ILKAP: variants seen among roughly 807,000 people sequenced by gnomAD.
The protein encoded by ILKAP is integrin-linked kinase-associated serine/threonine phosphatase 2C.
Under a neutral mutation model 49.1 loss-of-function variants are expected in ILKAP, and 11 were observed. The observed-to-expected ratio is 0.22, with a 90% confidence interval of 0.14 to 0.37. ILKAP has a LOEUF of 0.37. Among genes scored for constraint, ILKAP ranks in the 10% least tolerant of loss-of-function variants. The pLI is 1.00. For missense variants in ILKAP, 363 were observed against 510.8 expected, an observed-to-expected ratio of 0.71 and a Z score of 2.79; for synonymous variants, 186 against 192.8, an observed-to-expected ratio of 0.96 and a Z score of 0.29.
chr2:238,195,819 G>A (rs905434193), intron 1 of ILKAP, among the ~76,000 whole-genome samples: 2 of 152,034 alleles, frequency 1.3e-5, no homozygotes, highest in African/African-American at 4.8e-5. Flanking sequence ...GAGGTGGGAG[G>A]ATTGCTTGAG....
intron 10 of ILKAP, among the ~76,000 whole-genome samples, chr2:238,171,438 G>A (rs1444661798): frequency 6.6e-6 from 1 of 152,180 alleles, no homozygotes; most frequent in Non-Finnish European, 1.5e-5. Flanking sequence ...TGGGATTACA[G>A]GCATGAGCCA....
intron 3 of ILKAP, among the ~76,000 whole-genome samples, chr2:238,193,490 G>C (rs1383324349): frequency 6.6e-6 from 1 of 152,156 alleles, no homozygotes; most frequent in East Asian, 1.9e-4. Flanking sequence ...CAAAGTGCTG[G>C]GATTATAGGC....
intron 9 of ILKAP, among the ~76,000 whole-genome samples, chr2:238,180,184 G>GAA (rs139146977): frequency 1.8e-4 from 27 of 150,146 alleles, no homozygotes; most frequent in South Asian, 4.2e-4. Flanking sequence ...AAAAAAGAAA[G>GAA]AAAGAAAAAG....
chr2:238,180,933 A>G (rs1245587843), intron 9 of ILKAP, among the ~76,000 whole-genome samples: 1 of 152,242 alleles, frequency 6.6e-6, no homozygotes, highest in Non-Finnish European at 1.5e-5. Context: ...CTCAGGCATG[A>G]CTGTCCACAG....
At chr2:238,180,637 G>A (rs1238739532) in intron 9 of ILKAP, among the ~76,000 whole-genome samples, 1 of 152,254 alleles carries the variant, frequency 6.6e-6, no homozygotes, top group Non-Finnish European at 1.5e-5. Context: ...CTGCTCAGGG[G>A]CAGCGACCCA....
intron 9 of ILKAP, among the ~76,000 whole-genome samples, chr2:238,174,102 T>C (rs1004471549): frequency 3.9e-5 from 6 of 152,218 alleles, no homozygotes; most frequent in Non-Finnish European, 5.9e-5. Context: ...TCAATCTAAT[T>C]AGATTTGGAA....
At chr2:238,182,854 A>G (rs1229268714) in intron 8 of ILKAP, among the ~76,000 whole-genome samples, 1 of 152,000 alleles carries the variant, frequency 6.6e-6, no homozygotes, top group East Asian at 1.9e-4. Context: ...CAGAATGTAA[A>G]CTCCACCAGG....
chr2:238,188,285 T>A (rs962461189), intron 4 of ILKAP, 28 bp from the exon 5 acceptor site: 4 of 1,607,874 alleles, frequency 2.5e-6, no homozygotes, highest in Non-Finnish European at 3.4e-6. Flanking sequence ...AAAGAGCCAA[T>A]ACAAAACTGT....
intron 9 of ILKAP, among the ~76,000 whole-genome samples, chr2:238,180,784 A>G (rs1470370780): frequency 1.3e-5 from 2 of 152,276 alleles, no homozygotes; most frequent in Non-Finnish European, 2.9e-5. Context: ...AGCAACTGCA[A>G]CACAACTGGC....
At chr2:238,187,247 T>C (rs1328430145) in intron 5 of ILKAP, among the ~76,000 whole-genome samples, 1 of 152,228 alleles carries the variant, frequency 6.6e-6, no homozygotes, top group African/African-American at 2.4e-5. Flanking sequence ...AGCAAGACCC[T>C]GTCTCAATGG....
At chr2:238,170,740 A>G (rs1033127244) in intron 11 of ILKAP, 64 bp from the exon 12 acceptor site, 2 of 1,598,982 alleles carry the variant, frequency 1.3e-6, no homozygotes, top group South Asian at 1.1e-5. Context: ...TTCCTGAGAC[A>G]TGACTGCCAG....
chr2:238,182,098 C>T lies in ILKAP; in HGVS notation c.803G>A (p.Arg268Gln), dbSNP rs1693718194. The change falls in exon 9 of 12, where the codon CGG becomes CAG. Residue 268 changes from arginine to glutamine, a missense_variant. Arg to Gln is a conservative substitution (Grantham distance 43). This residue lies in a region of ILKAP where 166 missense variants were observed against 307.3 expected (regional missense o/e 0.54). Transcript: ENST00000254654. The part of the protein sequence containing the change: ...KEHNPTQYEE[R>Q]MRIQKAGGNV... Reference sequence around the variant, plus strand: ...TCCTCCAGCCTTCTGTATCCTCATCCGCTCTTCATACTGAGTTGGATTATG... The same window carrying T: ...TCCTCCAGCCTTCTGTATCCTCATCTGCTCTTCATACTGAGTTGGATTATG... 3 of 1,613,802 alleles carry T rather than the reference C, an allele frequency of 1.9e-6. No homozygotes were observed. Among genetic ancestry groups the T allele is most frequent in the South Asian group, 2.2e-5 (2 of 91,072 alleles).
At chr2:238,201,859 T>C (rs1448240729) in intron 1 of ILKAP, among the ~76,000 whole-genome samples, 1 of 152,238 alleles carries the variant, frequency 6.6e-6, no homozygotes, top group East Asian at 1.9e-4. Context: ...ACCGTGGTTA[T>C]TTTGAAAATG....
intron 3 of ILKAP, among the ~76,000 whole-genome samples, chr2:238,191,862 G>A (rs112667120): frequency 0.055 from 8,056 of 147,696 alleles, 308 homozygotes; most frequent in South Asian, 0.16. Context: ...CTGAGATCTC[G>A]CCACTGCGCT....
At chr2:238,171,146 TTTTTTTC>T (rs1347931414) in intron 10 of ILKAP, 122 bp from the exon 11 acceptor site, 62 of 685,442 alleles carry the variant, frequency 9.0e-5, no homozygotes, top group Non-Finnish European at 1.3e-4. Flanking sequence ...GCTAAGGTTT[TTTTTTTC>T]TTTTTTCTTT....
intron 5 of ILKAP, 182 bp from the exon 6 acceptor site, chr2:238,185,469 A>G: frequency 7.6e-6 from 4 of 527,448 alleles, no homozygotes; most frequent in African/African-American, 1.9e-5. Context: ...ACAAATATTT[A>G]AGTAACTTTC....
Position 238,170,403 on chromosome 2 carries a change from AG to A in ILKAP, c.*132del, listed in dbSNP as rs1693155486. 4 of 981,466 alleles carry A rather than the reference AG, an allele frequency of 4.1e-6. No individual in the cohort carries two copies. Among genetic ancestry groups the A allele is most frequent in the Non-Finnish European group, 6.0e-6 (4 of 668,296 alleles). The allele number at this position is 981,466 out of a possible 1,614,324, so 60.8% of individuals were successfully genotyped here. ...TCACAGTATAATAACTCAAAAGACT[AG>A]GAAAAAAAAAGAGAAACCTTTATTT... On this transcript the variant is annotated 3_prime_UTR_variant, in exon 12 of 12. Coordinates refer to ENST00000254654, the MANE Select transcript of ILKAP (RefSeq NM_030768.3).
intron 9 of ILKAP, among the ~76,000 whole-genome samples, chr2:238,175,702 G>C (rs1693420738): frequency 6.6e-6 from 1 of 152,206 alleles, no homozygotes; most frequent in African/African-American, 2.4e-5. Flanking sequence ...CACCACTGAT[G>C]AAGCTGGTTG....
chr2:238,173,442 TCC>T, intron 10 of ILKAP, 90 bp downstream of exon 10: 1 of 1,521,200 alleles, frequency 6.6e-7, no homozygotes, highest in Non-Finnish European at 9.0e-7. Flanking sequence ...ATGCACACCT[TCC>T]CTCCAACAAA....
Sources: gnomAD v4.1 joint callset for allele counts (sites outside exome capture counted in the v4.1 genomes callset) on GRCh38, gnomAD v4.1.1 for gene constraint, gnomAD v4.1.1 regional missense constraint, MANE v1.5 for transcripts, NCBI Gene and HGNC (gene_info 2026-07-23, HGNC 2026-07-21) for gene names.